The following DMD variants were observed in gnomAD, a reference collection of about 807,000 sequenced individuals.
The protein encoded by DMD is mutant dystrophin.
DMD carries 63 observed loss-of-function variants against 330.1 expected under a neutral mutation model. That is an observed-to-expected ratio of 0.19 (90% CI 0.16 to 0.24). The LOEUF (loss-of-function observed/expected upper bound fraction) is 0.24, where lower values mean the gene tolerates loss of function less well. Ranked by LOEUF, DMD falls within the 10% of genes least tolerant of loss-of-function variation. DMD has a pLI of 1.00. For synonymous variants in DMD, 1,223 were observed against 959.8 expected, an observed-to-expected ratio of 1.27 and a Z score of -5.07; for missense variants, 3,344 against 2,684.1, an observed-to-expected ratio of 1.25 and a Z score of -5.43.
At chrX:31,470,494 A>G (rs1407270923) in intron 59 of DMD, among the ~76,000 whole-genome samples, 1 of 111,871 alleles carries the variant, frequency 8.9e-6, no homozygotes, top group Non-Finnish European at 1.9e-5. Context: ...AACAGCAAAG[A>G]TTGCTGTCTG....
At chrX:31,938,264 T>C in intron 45 of DMD, among the ~76,000 whole-genome samples, 1 of 111,300 alleles carries the variant, frequency 9.0e-6, no homozygotes, top group South Asian at 3.8e-4. Flanking sequence ...ATGCTTTCAA[T>C]GAAGAAACTG....
At chrX:31,276,001 G>T (rs1472618650) in intron 62 of DMD, among the ~76,000 whole-genome samples, 4 of 112,262 alleles carry the variant, frequency 3.6e-5, no homozygotes, top group Non-Finnish European at 7.5e-5. Context: ...CAGCACTAAG[G>T]AAATATAAAT....
chrX:31,665,663 A>G (rs1245320699), intron 53 of DMD, among the ~76,000 whole-genome samples: 2 of 111,828 alleles, frequency 1.8e-5, no homozygotes, highest in African/African-American at 6.5e-5. Context: ...ATAGCTTTGA[A>G]GACTACATAC....
At chrX:32,776,244 A>G (rs2074128595) in intron 7 of DMD, among the ~76,000 whole-genome samples, 1 of 108,776 alleles carries the variant, frequency 9.2e-6, no homozygotes, top group African/African-American at 3.4e-5. Flanking sequence ...AGTCTCTGGG[A>G]AATTCCAAAC....
In DMD at chrX:32,887,765, A is replaced by C. The variant is rs7880780; in HGVS notation, c.94-37945T>G. On this transcript the variant is annotated intron_variant, in intron 2 of 78. Transcript: ENST00000357033. ...TGTCTCAAAAAAAAAAAAAAAAAAA[A>C]AAAAAAAAAAACATCAACTAAAAGC... Among the ~76,000 whole-genome samples the C allele has an allele frequency of 2.5e-3, 254 of 101,323 alleles. 3 individuals carry two copies. Among genetic ancestry groups the C allele is most frequent in the African/African-American group, 8.8e-3 (240 of 27,351 alleles). 88.0% of individuals were successfully genotyped at this position (101,323 alleles called of 115,157 possible).
chrX:31,831,686 C>T (rs987110027), intron 49 of DMD, among the ~76,000 whole-genome samples: 10 of 111,290 alleles, frequency 9.0e-5, no homozygotes, highest in Admixed American at 7.6e-4. Context: ...GCAAGCTCTG[C>T]CTCCCGGGTT....
chrX:32,176,078 C>T (rs761477677), intron 44 of DMD, among the ~76,000 whole-genome samples: 1 of 111,826 alleles, frequency 8.9e-6, no homozygotes, highest in South Asian at 3.7e-4. Context: ...CATAAGCTGT[C>T]CCTTGTGCCC....
intron 44 of DMD, among the ~76,000 whole-genome samples, chrX:32,184,420 T>C (rs895253065): frequency 4.5e-4 from 50 of 111,255 alleles, no homozygotes; most frequent in African/African-American, 1.6e-3. Flanking sequence ...CTATCCCTAA[T>C]TTTTGTCTGT....
chrX:32,647,599 G>T (rs1397682371), intron 9 of DMD, among the ~76,000 whole-genome samples: 1 of 111,812 alleles, frequency 8.9e-6, no homozygotes, highest in Non-Finnish European at 1.9e-5. Context: ...AGGGAATCTT[G>T]TGACTTTGGG....
chrX:33,002,263 G>A (rs2093297681), intron 2 of DMD, among the ~76,000 whole-genome samples: 1 of 111,112 alleles, frequency 9.0e-6, no homozygotes, highest in African/African-American at 3.3e-5. Context: ...TTGGTGTCTT[G>A]ATCAAAGAAT....
intron 21 of DMD, among the ~76,000 whole-genome samples, chrX:32,483,224 T>G (rs1370179293): frequency 1.0e-5 from 1 of 95,663 alleles, no homozygotes; most frequent in African/African-American, 3.7e-5. Flanking sequence ...AAAGGGTGAA[T>G]AGTAAAATTA....
intron 11 of DMD, among the ~76,000 whole-genome samples, chrX:32,620,509 A>G (rs938018075): frequency 8.9e-5 from 10 of 112,546 alleles, no homozygotes. Flanking sequence ...TTGCAATCAG[A>G]AGTTATGAGA....
chrX:33,338,175 A>G (rs1284592413), intron 1 of DMD, among the ~76,000 whole-genome samples: 1 of 111,683 alleles, frequency 9.0e-6, no homozygotes, highest in Non-Finnish European at 1.9e-5. Flanking sequence ...GATTATTTCA[A>G]TATGTTCAGT....
At chrX:33,259,610 A>ACC (rs1491539964) in intron 1 of DMD, among the ~76,000 whole-genome samples, 2 of 40,237 alleles carry the variant, frequency 5.0e-5, no homozygotes, top group African/African-American at 1.2e-4. Context: ...CCCCCCCCCC[A>ACC]AAAAAAAAAA....
intron 62 of DMD, among the ~76,000 whole-genome samples, chrX:31,297,382 G>A (rs2054268986): frequency 9.0e-6 from 1 of 110,893 alleles, no homozygotes; most frequent in Admixed American, 9.7e-5. Flanking sequence ...CTGTTTGTGT[G>A]GTTTGTCTGT....
At chrX:31,772,060 T>C (rs767218023) in intron 51 of DMD, among the ~76,000 whole-genome samples, 33 of 112,231 alleles carry the variant, frequency 2.9e-4, no homozygotes, top group Non-Finnish European at 5.3e-4. Flanking sequence ...AGCTCTCATT[T>C]CCATATAATA....
intron 37 of DMD, among the ~76,000 whole-genome samples, chrX:32,353,416 A>G (rs1167078838): frequency 8.9e-6 from 1 of 111,807 alleles, no homozygotes; most frequent in Non-Finnish European, 1.9e-5. Flanking sequence ...AACACAAAGT[A>G]TATCATGCCT....
At position 32,545,215 on chromosome X, in the gene DMD, T is replaced by G. The variant is rs778933155; in HGVS notation, c.2112A>C (p.Pro704=). 1 of 1,210,963 alleles carries G rather than the reference T, an allele frequency of 8.3e-7. No individual in the cohort carries two copies. The highest frequency in any genetic ancestry group is 1.7e-5 in the African/African-American group (1 of 57,799). ...GCCTCTTCTTTTGGGGAGGTGGTGG[T>G]GGAAGTTCCTCTTGAGCATGCTTTA... is the stretch of plus-strand genomic sequence containing the variant. ...ILVKHAQEEL[P]PPPPQKKRQI... The change falls in exon 17 of 79, where the codon CCA becomes CCC. Residue 704 remains proline (P), a synonymous_variant. Transcript: ENST00000357033.
Position 32,969,605 on chromosome X carries a change from T to C in DMD, c.93+50534A>G, listed in dbSNP as rs1393433904. ...AACGCATATTTGTTTATTTATTATGTATGTATTTATAGTGTTTTCATACAA... is the reference window on the plus strand; with the variant it reads ...AACGCATATTTGTTTATTTATTATGCATGTATTTATAGTGTTTTCATACAA... On this transcript the variant is annotated intron_variant, in intron 2 of 78. Coordinates refer to ENST00000357033, the MANE Select transcript of DMD (RefSeq NM_004006.3). 4.2e-5 allele frequency among the ~76,000 whole-genome samples: 4 copies of C among 94,746 alleles called. 1 individual carries two copies. The highest frequency in any genetic ancestry group is 8.1e-5 in the Non-Finnish European group (4 of 49,536). 82.3% of individuals were successfully genotyped at this position (94,746 alleles called of 115,157 possible).
Sources: gnomAD v4.1 joint callset for allele counts (sites outside exome capture counted in the v4.1 genomes callset) on GRCh38, gnomAD v4.1.1 for gene constraint, MANE v1.5 for transcripts, NCBI Gene and HGNC (gene_info 2026-07-23, HGNC 2026-07-21) for gene names.